The following EYS variants were observed in gnomAD, a reference collection of about 807,000 sequenced individuals.
EYS encodes the protein protein eyes shut homolog.
In EYS, 250 loss-of-function variants were observed where a neutral mutation model predicts 282.1. The observed-to-expected ratio is 0.89, with a 90% confidence interval of 0.80 to 0.98. EYS has a LOEUF of 0.98. EYS is among the 50% of genes least tolerant of loss of function. The pLI is 0.00. For synonymous variants in EYS, 1,355 were observed against 1,282.9 expected, an observed-to-expected ratio of 1.06 and a Z score of -1.20; for missense variants, 4,016 against 3,709.0, an observed-to-expected ratio of 1.08 and a Z score of -2.15.
intron 5 of EYS, among the ~76,000 whole-genome samples, chr6:65,434,197 G>A (rs554143771): frequency 2.4e-4 from 37 of 152,288 alleles, no homozygotes; most frequent in African/African-American, 7.5e-4. Flanking sequence ...TGTTGAAGAC[G>A]TAAGTCATTA....
At chr6:64,155,832 C>T (rs983947365) in intron 31 of EYS, among the ~76,000 whole-genome samples, 7 of 151,822 alleles carry the variant, frequency 4.6e-5, no homozygotes, top group African/African-American at 1.7e-4. Flanking sequence ...ACTGAGGTTC[C>T]TTGTGTCTCC....
At chr6:65,024,955 G>A (rs1297514240) in intron 13 of EYS, among the ~76,000 whole-genome samples, 1 of 152,144 alleles carries the variant, frequency 6.6e-6, no homozygotes, top group South Asian at 2.1e-4. Flanking sequence ...TTAGGTACAA[G>A]CCTAAAATTG....
At position 63,903,958 on chromosome 6, in the gene EYS, G is replaced by A. The variant is rs151024903; in HGVS notation, c.7056-39600C>T. ...ACAAACATCTTTATTTATAACCCTC[G>A]ATTTTGTCCTTTTCTACATATAGCC... On this transcript the variant is annotated intron_variant, in intron 35 of 42. Coordinates refer to ENST00000503581, the MANE Select transcript of EYS (RefSeq NM_001142800.2). Among the ~76,000 whole-genome samples, 688 of 152,264 alleles carry A rather than the reference G, an allele frequency of 4.5e-3. 5 individuals carry two copies. The highest frequency in any genetic ancestry group is 0.015 in the African/African-American group (613 of 41,542).
At chr6:65,319,169 G>T (rs1769398669) in intron 11 of EYS, among the ~76,000 whole-genome samples, 12 of 117,120 alleles carry the variant, frequency 1.0e-4, no homozygotes. Flanking sequence ...GACCAAACTG[G>T]CCAACATGGC....
chr6:63,806,130 G>A, intron 37 of EYS, 60 bp downstream of exon 37: 6 of 1,388,978 alleles, frequency 4.3e-6, no homozygotes, highest in Non-Finnish European at 5.9e-6. Flanking sequence ...TGTCCCTGAG[G>A]AATCTCTAAA....
intron 33 of EYS, among the ~76,000 whole-genome samples, chr6:64,029,151 G>C (rs1379833164): frequency 6.6e-6 from 1 of 152,152 alleles, no homozygotes; most frequent in Non-Finnish European, 1.5e-5. Context: ...CTTAAGGCAG[G>C]CCCTAGTACA....
At chr6:64,478,644 G>T (rs1776347694) in intron 26 of EYS, among the ~76,000 whole-genome samples, 2 of 150,592 alleles carry the variant, frequency 1.3e-5, no homozygotes, top group African/African-American at 4.9e-5. Flanking sequence ...TAATTCAAGT[G>T]CTTTATAAAT....
rs1562213531 is a variant in EYS, at chr6:64,125,153, T to TCTCTCTCTCTCTCTCTCTCTCTCTCTCTC, written c.6425-43152_6425-43151insGAGAGAGAGAGAGAGAGAGAGAGAGAGAG. ...GTCAAACACACACACACACACTCTC[T>TCTCTCTCTCTCTCTCTCTCTCTCTCTCTC]GTCTCTCTCTCTCTCTCTCTCTCGC... On this transcript the variant is annotated intron_variant, in intron 31 of 42. Transcript: ENST00000503581. Among the ~76,000 whole-genome samples, 177 of 148,948 alleles carry TCTCTCTCTCTCTCTCTCTCTCTCTCTCTC rather than the reference T, an allele frequency of 1.2e-3. 2 individuals are homozygous for TCTCTCTCTCTCTCTCTCTCTCTCTCTCTC. Among genetic ancestry groups the TCTCTCTCTCTCTCTCTCTCTCTCTCTCTC allele is most frequent in the African/African-American group, 4.1e-3 (159 of 38,594 alleles).
chr6:65,094,317 GA>G (rs35028634), intron 12 of EYS, among the ~76,000 whole-genome samples: 23,968 of 73,844 alleles, frequency 0.32, 1,905 homozygotes, highest in Non-Finnish European at 0.39. Context: ...ATATCTTAAC[GA>G]AAAAAAAAAA....
intron 12 of EYS, among the ~76,000 whole-genome samples, chr6:65,186,867 T>G (rs1765528431): frequency 6.6e-6 from 1 of 151,766 alleles, no homozygotes; most frequent in African/African-American, 2.4e-5. Flanking sequence ...ATATTGGATA[T>G]ATTTCTTCCA....
intron 35 of EYS, among the ~76,000 whole-genome samples, chr6:63,976,710 A>ACAATTGTAT (rs1301645590): frequency 6.6e-6 from 1 of 152,046 alleles, no homozygotes; most frequent in Non-Finnish European, 1.5e-5. Context: ...TGTGGTTTAT[A>ACAATTGTAT]CAATTGTATA....
chr6:64,156,463 G>T (rs1233182804), intron 31 of EYS, among the ~76,000 whole-genome samples: 2 of 152,154 alleles, frequency 1.3e-5, no homozygotes, highest in Non-Finnish European at 2.9e-5. Context: ...ACTAGAAGTG[G>T]GAGTGTTGCT....
At chr6:65,140,850 TGGAGAGGATGTG>T (rs1251082439) in intron 12 of EYS, among the ~76,000 whole-genome samples, 3 of 148,158 alleles carry the variant, frequency 2.0e-5, no homozygotes, top group African/African-American at 7.5e-5. Flanking sequence ...CAACAGGTGC[TGGAGAGGATGTG>T]GAGAAATAGG....
chr6:64,385,986 A>G (rs2150422998), intron 29 of EYS, among the ~76,000 whole-genome samples: 1 of 152,172 alleles, frequency 6.6e-6, no homozygotes, highest in East Asian at 1.9e-4. Flanking sequence ...CCCAATTCTC[A>G]GCCTTCTTTT....
intron 12 of EYS, among the ~76,000 whole-genome samples, chr6:65,249,691 G>A (rs1244242723): frequency 6.6e-6 from 1 of 151,912 alleles, no homozygotes; most frequent in Non-Finnish European, 1.5e-5. Flanking sequence ...CACATTTATT[G>A]TGTGAAACAC....
chr6:64,057,400 T>C (rs1477108761), intron 33 of EYS, among the ~76,000 whole-genome samples: 4 of 143,440 alleles, frequency 2.8e-5, no homozygotes, highest in South Asian at 2.1e-4. Flanking sequence ...TTTTTAAAAA[T>C]AGAATGGTCT....
intron 18 of EYS, among the ~76,000 whole-genome samples, chr6:64,888,456 C>T (rs528904148): frequency 6.6e-6 from 1 of 151,860 alleles, no homozygotes; most frequent in African/African-American, 2.4e-5. Context: ...ATAAATATAT[C>T]AATTATGTGT....
At position 63,873,590 on chromosome 6, in the gene EYS, C is replaced by A. The variant is rs1772877264; in HGVS notation, c.7056-9232G>T. ...GAGGAATCCCCCACACTGTCTTCCA[C>A]AATGGTTGAACTAGTTTACAGTCCC... On this transcript the variant is annotated intron_variant, in intron 35 of 42. Transcript: ENST00000503581. 2.0e-5 allele frequency among the ~76,000 whole-genome samples: 3 copies of A among 152,174 alleles called. No individual in the cohort carries two copies. The South Asian group carries it at 6.2e-4, about 32-fold the overall frequency.
At chr6:63,763,261 A>G (rs1024060093) in intron 40 of EYS, among the ~76,000 whole-genome samples, 1 of 152,048 alleles carries the variant, frequency 6.6e-6, no homozygotes, top group African/African-American at 2.4e-5. Flanking sequence ...AATGGGGAAT[A>G]CTCAGCTGAA....
Sources: gnomAD v4.1 joint callset for allele counts (sites outside exome capture counted in the v4.1 genomes callset) on GRCh38, gnomAD v4.1.1 for gene constraint, MANE v1.5 for transcripts, NCBI Gene and HGNC (gene_info 2026-07-23, HGNC 2026-07-21) for gene names.